The following GALNTL6 variants were observed in gnomAD, a reference collection of about 807,000 sequenced individuals.
GALNTL6 encodes polypeptide N-acetylgalactosaminyltransferase-like 6.
In GALNTL6, 46 loss-of-function variants were observed where a neutral mutation model predicts 73.7. That is an observed-to-expected ratio of 0.62 (90% CI 0.49 to 0.80). GALNTL6 has a LOEUF of 0.80. Ranked by LOEUF, GALNTL6 falls within the 30% of genes least tolerant of loss-of-function variation. The probability of loss-of-function intolerance (pLI) is 0.00; values close to 1 mark genes in which losing one functional copy is unlikely to be tolerated. For synonymous variants in GALNTL6, 259 were observed against 263.7 expected, an observed-to-expected ratio of 0.98 and a Z score of 0.17; for missense variants, 604 against 755.0, an observed-to-expected ratio of 0.80 and a Z score of 2.34.
chr4:172,207,404 G>C (rs13129130), intron 2 of GALNTL6, among the ~76,000 whole-genome samples: 14,347 of 152,088 alleles, frequency 0.094, 856 homozygotes, highest in African/African-American at 0.17. Context: ...GGAGCAAGAG[G>C]GATGGTGGTG....
chr4:171,920,953 G>T (rs1190147472), intron 2 of GALNTL6, among the ~76,000 whole-genome samples: 1 of 151,960 alleles, frequency 6.6e-6, no homozygotes. Flanking sequence ...TATTGTATGC[G>T]CATTGTAAAA....
chr4:172,229,555 A>G, intron 2 of GALNTL6, 101 bp from the exon 3 acceptor site: 1 of 654,394 alleles, frequency 1.5e-6, no homozygotes, highest in South Asian at 1.9e-5. Context: ...CACTTATTTA[A>G]CAGATATTCT....
At chr4:172,558,163 G>T (rs1359936010) in intron 5 of GALNTL6, among the ~76,000 whole-genome samples, 1 of 152,154 alleles carries the variant, frequency 6.6e-6, no homozygotes, top group East Asian at 1.9e-4. Context: ...GAACAGGCAA[G>T]AACTAAATTA....
At chr4:171,906,268 G>T (rs1412283420) in intron 2 of GALNTL6, among the ~76,000 whole-genome samples, 12 of 151,134 alleles carry the variant, frequency 7.9e-5, no homozygotes, top group African/African-American at 3.0e-4. Context: ...AAGAAAAAAA[G>T]AGAGAAGAAT....
intron 5 of GALNTL6, among the ~76,000 whole-genome samples, chr4:172,451,431 C>A (rs1481522792): frequency 1.3e-5 from 2 of 152,166 alleles, no homozygotes; most frequent in Non-Finnish European, 2.9e-5. Flanking sequence ...ACCCATTTAA[C>A]CTTTATAGTT....
chr4:172,456,905 T>G (rs987039716), intron 5 of GALNTL6, among the ~76,000 whole-genome samples: 8 of 152,164 alleles, frequency 5.3e-5, no homozygotes, highest in Admixed American at 2.6e-4. Flanking sequence ...AATTGTCAGA[T>G]TCACCAAGGT....
At chr4:171,992,085 AAATTTAATTTTCATCGC>A in intron 2 of GALNTL6, among the ~76,000 whole-genome samples, 1 of 152,100 alleles carries the variant, frequency 6.6e-6, no homozygotes, top group East Asian at 1.9e-4. Flanking sequence ...CTCTGAAAGC[AAATTTAATTTTCATCGC>A]AATTCATGAC....
chr4:172,295,372 A>G (rs928834931), intron 3 of GALNTL6, among the ~76,000 whole-genome samples: 5 of 151,662 alleles, frequency 3.3e-5, no homozygotes, highest in Non-Finnish European at 7.4e-5. Context: ...CAGTGAGCCA[A>G]GATCGCACCA....
At chr4:173,029,249 G>A (rs900688652) in intron 12 of GALNTL6, among the ~76,000 whole-genome samples, 4 of 152,170 alleles carry the variant, frequency 2.6e-5, no homozygotes, top group African/African-American at 7.2e-5. Context: ...ACTCTCCCAG[G>A]TCAGTCCTAA....
intron 2 of GALNTL6, among the ~76,000 whole-genome samples, chr4:172,013,554 A>G (rs1303980585): frequency 6.6e-6 from 1 of 151,744 alleles, no homozygotes; most frequent in Non-Finnish European, 1.5e-5. Flanking sequence ...TCTTTTTAAA[A>G]TCTTTTCTTT....
chr4:172,685,170 G>T (rs747880296), intron 5 of GALNTL6, among the ~76,000 whole-genome samples: 1 of 151,884 alleles, frequency 6.6e-6, no homozygotes, highest in Non-Finnish European at 1.5e-5. Flanking sequence ...AAGGGCAAAA[G>T]TAAAAATAAA....
chr4:172,821,450 G>A, intron 7 of GALNTL6, among the ~76,000 whole-genome samples: 1 of 152,122 alleles, frequency 6.6e-6, no homozygotes, highest in East Asian at 1.9e-4. Context: ...AAGTAGTTTT[G>A]TCAATTAATG....
At chr4:172,240,703 T>G (rs527485893) in intron 3 of GALNTL6, among the ~76,000 whole-genome samples, 1 of 152,342 alleles carries the variant, frequency 6.6e-6, no homozygotes, top group South Asian at 2.1e-4. Context: ...ATCAGTTTGA[T>G]TCTTTCCTTA....
rs572278372 is a variant in GALNTL6, at chr4:172,949,853, C to G, written c.1150-2184C>G. Among the ~76,000 whole-genome samples the G allele has an allele frequency of 1.3e-4, 20 of 148,486 alleles. No homozygotes were observed. The South Asian group carries it at 3.8e-3, about 28-fold the overall frequency. ...GAAGCTGGGAGGCAGAGGTTGCAGT[C>G]AGCCAAGATTGCACCACTGCACTCC... is the stretch of plus-strand genomic sequence containing the variant. On this transcript the variant is annotated intron_variant, in intron 9 of 12. Transcript: ENST00000506823.
intron 10 of GALNTL6, among the ~76,000 whole-genome samples, chr4:172,983,816 C>T (rs1165518245): frequency 6.6e-6 from 1 of 152,112 alleles, no homozygotes; most frequent in Non-Finnish European, 1.5e-5. Context: ...CTCAATAAAA[C>T]CCTGATTAGC....
At chr4:172,330,412 T>A (rs756200044) in intron 4 of GALNTL6, among the ~76,000 whole-genome samples, 3 of 152,202 alleles carry the variant, frequency 2.0e-5, no homozygotes, top group Admixed American at 6.5e-5. Flanking sequence ...CTCCCCTGGC[T>A]CCATGTTGCT....
At chr4:172,742,788 A>G (rs959985164) in intron 5 of GALNTL6, among the ~76,000 whole-genome samples, 2 of 151,982 alleles carry the variant, frequency 1.3e-5, no homozygotes, top group African/African-American at 2.4e-5. Flanking sequence ...CTAGGACATC[A>G]TTTTTTTGGA....
intron 5 of GALNTL6, among the ~76,000 whole-genome samples, chr4:172,558,265 A>G (rs1006480211): frequency 2.6e-5 from 4 of 152,218 alleles, no homozygotes; most frequent in Non-Finnish European, 5.9e-5. Flanking sequence ...CCTACCAGAT[A>G]AAGAAAATAT....
intron 2 of GALNTL6, among the ~76,000 whole-genome samples, chr4:172,048,858 A>G (rs1742290265): frequency 6.6e-6 from 1 of 152,128 alleles, no homozygotes; most frequent in Admixed American, 6.6e-5. Flanking sequence ...AGACAGCTCA[A>G]CCAGACTTAA....
Sources: gnomAD v4.1 joint callset for allele counts (sites outside exome capture counted in the v4.1 genomes callset) on GRCh38, gnomAD v4.1.1 for gene constraint, MANE v1.5 for transcripts, NCBI Gene and HGNC (gene_info 2026-07-23, HGNC 2026-07-21) for gene names.